The following LDLRAD3 variants were observed in gnomAD, a reference collection of about 807,000 sequenced individuals.
LDLRAD3 encodes the protein low-density lipoprotein receptor class A domain-containing protein 3.
A neutral mutation model predicts 29.4 loss-of-function variants in LDLRAD3; 20 were observed. The observed-to-expected ratio is 0.68, with a 90% CI of 0.48 to 0.99. The LOEUF (loss-of-function observed/expected upper bound fraction) is 0.99. Among genes scored for constraint, LDLRAD3 ranks in the 50% least tolerant of loss-of-function variants. The pLI is 0.00. For synonymous variants in LDLRAD3, 157 were observed against 192.7 expected (o/e 0.81, Z 1.53); for missense variants, 420 against 454.3 (o/e 0.92, Z 0.69).
chr11:36,153,191 G>A (rs1264478024), intron 4 of LDLRAD3, among the ~76,000 whole-genome samples: 1 of 151,960 alleles, frequency 6.6e-6, no homozygotes, highest in African/African-American at 2.4e-5. Flanking sequence ...TGACCAGGAT[G>A]TGCTCCATGG....
chr11:36,037,744 C>G (rs909350389), intron 2 of LDLRAD3, among the ~76,000 whole-genome samples: 12 of 152,306 alleles, frequency 7.9e-5, no homozygotes, highest in Admixed American at 5.9e-4. Context: ...GGTCCTTCGC[C>G]CATCCAAGGG....
intron 2 of LDLRAD3, among the ~76,000 whole-genome samples, chr11:36,058,133 T>C (rs1852648329): frequency 6.6e-6 from 1 of 152,202 alleles, no homozygotes; most frequent in Admixed American, 6.5e-5. Context: ...AAGTGTGTCT[T>C]AGAGAGCCCT....
chr11:36,202,135 C>G (rs566517482), intron 4 of LDLRAD3, among the ~76,000 whole-genome samples: 2 of 151,334 alleles, frequency 1.3e-5, no homozygotes, highest in East Asian at 3.9e-4. Flanking sequence ...ACCTCCACCT[C>G]CCAGGTTCAA....
chr11:36,125,781 G>A (rs1853827810), intron 4 of LDLRAD3, among the ~76,000 whole-genome samples: 1 of 152,218 alleles, frequency 6.6e-6, no homozygotes. Flanking sequence ...CAGAGTTTTG[G>A]TGGTGGAGAA....
At position 36,230,704 on chromosome 11, in the gene LDLRAD3, A is replaced by ATT. The variant is rs1252943357; in HGVS notation, c.*1309_*1310dup. The ATT allele has an allele frequency of 6.6e-6, 1 of 152,608 alleles. No individual in the cohort carries two copies. The highest frequency in any genetic ancestry group is 1.5e-5 in the Non-Finnish European group (1 of 68,024). 9.5% of individuals were successfully genotyped at this position (152,608 alleles called of 1,614,324 possible). On this transcript the variant is annotated 3_prime_UTR_variant, in exon 6 of 6. Transcript: ENST00000315571. ...TTTTTTCCCTTCTAGTTAAGGGACT[A>ATT]TTTATATGTGTATAGGAAAGCTGTC...
chr11:35,990,745 C>T (rs910725814), intron 1 of LDLRAD3, among the ~76,000 whole-genome samples: 3 of 152,126 alleles, frequency 2.0e-5, no homozygotes, highest in Non-Finnish European at 4.4e-5. Flanking sequence ...GGTATTCTTC[C>T]CTGTCTGTGT....
chr11:36,173,081 C>G (rs1349246247), intron 4 of LDLRAD3, among the ~76,000 whole-genome samples: 1 of 151,936 alleles, frequency 6.6e-6, no homozygotes, highest in Non-Finnish European at 1.5e-5. Flanking sequence ...AAAAATTTAT[C>G]CATCTCCTCT....
At chr11:36,023,629 T>G (rs1264278796) in intron 1 of LDLRAD3, among the ~76,000 whole-genome samples, 1 of 152,230 alleles carries the variant, frequency 6.6e-6, no homozygotes, top group East Asian at 1.9e-4. Flanking sequence ...TGCTGAAGAC[T>G]CTATCTAGGA....
intron 2 of LDLRAD3, among the ~76,000 whole-genome samples, chr11:36,048,368 G>A (rs1247938266): frequency 4.6e-5 from 7 of 152,124 alleles, no homozygotes; most frequent in East Asian, 1.9e-4. Context: ...CAATGCTGTC[G>A]AGTTCCCATT....
intron 2 of LDLRAD3, among the ~76,000 whole-genome samples, chr11:36,060,951 G>A (rs1852689219): frequency 2.0e-5 from 3 of 152,150 alleles, no homozygotes; most frequent in South Asian, 4.2e-4. Flanking sequence ...ATATAAAAGT[G>A]TGTCCCTGGA....
At chr11:36,089,770 T>A (rs928848429) in intron 3 of LDLRAD3, among the ~76,000 whole-genome samples, 1 of 151,570 alleles carries the variant, frequency 6.6e-6, no homozygotes, top group Non-Finnish European at 1.5e-5. Flanking sequence ...TGGCTAATTT[T>A]TAAACTTTTT....
chr11:35,955,184 GTAA>G (rs973616414), intron 1 of LDLRAD3, among the ~76,000 whole-genome samples: 2 of 152,354 alleles, frequency 1.3e-5, no homozygotes. Context: ...GGTGGAGGTT[GTAA>G]TGAGCTGAGA....
intron 3 of LDLRAD3, among the ~76,000 whole-genome samples, chr11:36,085,546 A>G (rs138033575): frequency 2.5e-4 from 38 of 152,184 alleles, no homozygotes; most frequent in African/African-American, 8.9e-4. Flanking sequence ...TGGGAGTCTA[A>G]TGACAACAAT....
intron 1 of LDLRAD3, among the ~76,000 whole-genome samples, chr11:35,984,919 C>T (rs188149508): frequency 3.4e-4 from 52 of 151,362 alleles, no homozygotes; most frequent in African/African-American, 1.2e-3. Context: ...CGTGAGCCAC[C>T]GCATCCTGCC....
chr11:35,995,325 A>G (rs1434208877), intron 1 of LDLRAD3, among the ~76,000 whole-genome samples: 1 of 152,234 alleles, frequency 6.6e-6, no homozygotes, highest in Non-Finnish European at 1.5e-5. Context: ...AACCAGATGC[A>G]TTGCTACTGA....
chr11:35,964,781 C>T (rs996981409), intron 1 of LDLRAD3, among the ~76,000 whole-genome samples: 2 of 151,942 alleles, frequency 1.3e-5, no homozygotes, highest in Non-Finnish European at 2.9e-5. Flanking sequence ...TGAGCCCTGG[C>T]GTTCAAGACC....
chr11:36,127,100 T>A (rs916956096), intron 4 of LDLRAD3, among the ~76,000 whole-genome samples: 6 of 151,682 alleles, frequency 4.0e-5, no homozygotes, highest in African/African-American at 1.5e-4. Flanking sequence ...CATTAAAAAA[T>A]AACCAACACC....
intron 4 of LDLRAD3, among the ~76,000 whole-genome samples, chr11:36,117,400 A>G (rs192028236): frequency 6.6e-6 from 1 of 152,176 alleles, no homozygotes; most frequent in East Asian, 1.9e-4. Flanking sequence ...AAACTGGGAT[A>G]TGAACTGAAA....
In LDLRAD3 at chr11:35,978,136, A is replaced by G. The variant is rs533971390; in HGVS notation, c.46+33992A>G. 3.9e-5 allele frequency among the ~76,000 whole-genome samples: 6 copies of G among 152,288 alleles called. No homozygotes were observed. The East Asian group carries it at 1.2e-3, about 29-fold the overall frequency. The stretch of plus-strand genomic sequence containing the variant: ...GTGGGGATCTTCTTACTGATTGACA[A>G]TGGCTTGTGATTCTCCCAAGTGATG... On this transcript the variant is annotated intron_variant, in intron 1 of 5. Transcript: ENST00000315571.
Sources: allele counts gnomAD v4.1 joint callset (sites outside exome capture counted in the v4.1 genomes callset), GRCh38; gene constraint gnomAD v4.1.1; transcripts MANE v1.5; gene names NCBI Gene and HGNC (gene_info 2026-07-23, HGNC 2026-07-21).